The following MED26 variants were observed in gnomAD, a reference collection of about 807,000 sequenced individuals.
The protein encoded by MED26 is mediator of RNA polymerase II transcription subunit 26.
Under a neutral mutation model 43.7 loss-of-function variants are expected in MED26, and 7 were observed. The ratio of observed to expected loss-of-function variants is 0.16; its 90% confidence interval spans 0.09 to 0.30. The LOEUF (loss-of-function observed/expected upper bound fraction) is 0.30. Ranked by LOEUF, MED26 falls within the 10% of genes least tolerant of loss-of-function variation. The pLI is 1.00. For missense variants in MED26, 784 were observed against 840.6 expected (o/e 0.93, Z 0.83); for synonymous variants, 375 against 371.1 (o/e 1.01, Z -0.12).
intron 1 of MED26, among the ~76,000 whole-genome samples, chr19:16,615,243 G>C (rs1010769450): frequency 2.0e-5 from 3 of 152,130 alleles, no homozygotes; most frequent in African/African-American, 7.2e-5. Flanking sequence ...AGGTGATCAG[G>C]TGGGGTGCAC....
chr19:16,614,052 A>T (rs368197234), intron 1 of MED26, among the ~76,000 whole-genome samples: 2 of 152,234 alleles, frequency 1.3e-5, no homozygotes, highest in South Asian at 2.1e-4. Context: ...GCATTGTGCC[A>T]GGCTCTCAAC....
chr19:16,590,377 C>A (rs1203432710), intron 1 of MED26, among the ~76,000 whole-genome samples: 2 of 152,200 alleles, frequency 1.3e-5, no homozygotes, highest in Non-Finnish European at 2.9e-5. Flanking sequence ...CCTCCCTGCT[C>A]CACTGTGACA....
chr19:16,581,214 TC>T (rs55869324), intron 1 of MED26, among the ~76,000 whole-genome samples: 152,335 of 152,336 alleles, frequency 1, 76,167 homozygotes, highest in Non-Finnish European at 1. Flanking sequence ...TGCAATGTTC[TC>T]CATTCAGGGC....
intron 1 of MED26, among the ~76,000 whole-genome samples, chr19:16,584,583 C>T (rs1327215391): frequency 6.6e-6 from 1 of 152,216 alleles, no homozygotes; most frequent in Non-Finnish European, 1.5e-5. Flanking sequence ...ACCCTGGGAG[C>T]AGTGGGGAAC....
chr19:16,617,970 GC>G (rs1471175189), intron 1 of MED26, among the ~76,000 whole-genome samples: 1 of 152,226 alleles, frequency 6.6e-6, no homozygotes, highest in South Asian at 2.1e-4. Context: ...CTTACTGAGA[GC>G]CCCCCCAGAA....
chr19:16,599,613 A>C (rs776622764), intron 1 of MED26, among the ~76,000 whole-genome samples: 8 of 152,152 alleles, frequency 5.3e-5, no homozygotes, highest in Non-Finnish European at 7.4e-5. Flanking sequence ...GCTCTGATGC[A>C]TTCCGGCCCT....
At chr19:16,627,812 A>C in intron 1 of MED26, 60 bp downstream of exon 1, 5 of 1,287,206 alleles carry the variant, frequency 3.9e-6, no homozygotes, top group Non-Finnish European at 5.2e-6. Flanking sequence ...GGGGTACAGG[A>C]GAGGGGGAGG....
At chr19:16,578,501 A>G in intron 1 of MED26, 92 bp from the exon 2 acceptor site, 1 of 1,199,102 alleles carries the variant, frequency 8.3e-7, no homozygotes, top group South Asian at 1.3e-5. Flanking sequence ...TCTCTCCCCA[A>G]CCCCAGAGCA....
intron 1 of MED26, among the ~76,000 whole-genome samples, chr19:16,620,579 C>T (rs1325711130): frequency 2.0e-5 from 3 of 152,194 alleles, no homozygotes; most frequent in Non-Finnish European, 4.4e-5. Context: ...TACTTGGGCA[C>T]TTCACAATCA....
At chr19:16,625,283 AAGTG>A (rs1859983160) in intron 1 of MED26, among the ~76,000 whole-genome samples, 1 of 152,246 alleles carries the variant, frequency 6.6e-6, no homozygotes, top group South Asian at 2.1e-4. Context: ...CAGGGGCTAA[AAGTG>A]AGAGCACAGA....
chr19:16,608,904 T>G (rs2086186074), intron 1 of MED26, among the ~76,000 whole-genome samples: 1 of 152,224 alleles, frequency 6.6e-6, no homozygotes. Flanking sequence ...TTAAAAAGCG[T>G]GTCATGCCTG....
chr19:16,621,944 A>G (rs572705240), intron 1 of MED26, among the ~76,000 whole-genome samples: 1 of 152,194 alleles, frequency 6.6e-6, no homozygotes, highest in South Asian at 2.1e-4. Flanking sequence ...TCAAGCCCAG[A>G]CACCCCAACC....
At chr19:16,604,186 C>T (rs1200211868) in intron 1 of MED26, among the ~76,000 whole-genome samples, 1 of 152,206 alleles carries the variant, frequency 6.6e-6, no homozygotes, top group East Asian at 1.9e-4. Context: ...CTGGGACACA[C>T]TGTGGAGGGA....
At chr19:16,581,749 G>C (rs2086046791) in intron 1 of MED26, among the ~76,000 whole-genome samples, 1 of 152,220 alleles carries the variant, frequency 6.6e-6, no homozygotes, top group Non-Finnish European at 1.5e-5. Context: ...CCAGGCGAAG[G>C]TGTGAGGGCC....
intron 1 of MED26, among the ~76,000 whole-genome samples, chr19:16,582,070 A>T (rs2086048560): frequency 6.6e-6 from 1 of 152,254 alleles, no homozygotes; most frequent in Non-Finnish European, 1.5e-5. Flanking sequence ...GCCCGGTGAG[A>T]CTGGAGCTGA....
chr19:16,585,299 A>C (rs2086065730), intron 1 of MED26, among the ~76,000 whole-genome samples: 1 of 152,134 alleles, frequency 6.6e-6, no homozygotes, highest in South Asian at 2.1e-4. Context: ...AACCAGGGGC[A>C]CACGCTAGGT....
rs78624768 is a variant in MED26 at position 16,622,965 on chromosome 19, A to C, written c.72+4907T>G. ...AGAGACCTTGGCGCCCTTAAGCTAC[A>C]TGTCCTATCTTACACAGCTGCCCAG... On this transcript the variant is annotated intron_variant, in intron 1 of 2. Transcript: ENST00000263390. Among the ~76,000 whole-genome samples, 36 of 152,272 alleles carry C rather than the reference A, an allele frequency of 2.4e-4. No individual in the cohort carries two copies. The East Asian group carries it at 6.7e-3, about 29-fold the overall frequency.
Position 16,576,903 on chromosome 19 carries a change from G to A in MED26, c.927C>T (p.Ala309=), listed in dbSNP as rs773894422. 5.0e-6 allele frequency: 8 copies of A among 1,603,102 alleles called. 1 individual carries two copies. The African/African-American group carries it at 6.7e-5, about 13-fold the overall frequency. ...GTGGAAGCGGTGACGGCACCTGTGT[G>A]GCATCGAGTGCCTGGGGCCGCGGTG... ...SPSPRPQALD[A]TQVPSPLPLA... The change falls in exon 3 of 3, where the codon GCC becomes GCT. Residue 309 remains alanine (A), a synonymous_variant. Transcript: ENST00000263390. The surrounding 1 kb of genome is among the most constrained non-coding windows in gnomAD (Gnocchi z 6.8).
At chr19:16,619,520 AG>A (rs1299480095) in intron 1 of MED26, among the ~76,000 whole-genome samples, 2 of 152,244 alleles carry the variant, frequency 1.3e-5, no homozygotes, top group Non-Finnish European at 2.9e-5. Flanking sequence ...CAGTGTGTGC[AG>A]GGGGCTGCCC....
Sources: gnomAD v4.1 joint callset for allele counts (sites outside exome capture counted in the v4.1 genomes callset) on GRCh38, gnomAD v4.1.1 for gene constraint, Gnocchi (gnomAD v3.1) non-coding constraint, MANE v1.5 for transcripts, NCBI Gene and HGNC (gene_info 2026-07-23, HGNC 2026-07-21) for gene names.